MYT1L: variants seen among roughly 807,000 people sequenced by gnomAD.
The protein encoded by MYT1L is myelin transcription factor 1 like.
MYT1L carries 12 observed loss-of-function variants against 126.7 expected under a neutral mutation model. The ratio of observed to expected loss-of-function variants is 0.09; its 90% confidence interval spans 0.06 to 0.15. The LOEUF (loss-of-function observed/expected upper bound fraction) is 0.15. Ranked by LOEUF, MYT1L falls within the 10% of genes least tolerant of loss-of-function variation. MYT1L has a pLI of 1.00. For missense variants in MYT1L, 979 were observed against 1,585.2 expected (o/e 0.62, Z 6.49); for synonymous variants, 541 against 604.2 (o/e 0.90, Z 1.53).
In MYT1L at chr2:1,912,911, G is replaced by C. The variant is rs2052262779; in HGVS notation, c.1619-801C>G. ...CCTTCATGAACGCTCTACTACTCTG[G>C]GTTCTGGGGGAAGGTTAGCAGGGAC... On this transcript the variant is annotated intron_variant, in intron 11 of 24. Coordinates refer to ENST00000647738, the MANE Select transcript of MYT1L (RefSeq NM_001303052.2). This position sits in a 1 kb window ranked among gnomAD's most constrained non-coding sequence, Gnocchi z 4.3. Among the ~76,000 whole-genome samples, 2 of 152,046 alleles carry C rather than the reference G, an allele frequency of 1.3e-5. No individual in the cohort carries two copies. Among genetic ancestry groups the C allele is most frequent in the Admixed American group, 6.6e-5 (1 of 15,258 alleles).
intron 4 of MYT1L, among the ~76,000 whole-genome samples, chr2:2,015,708 G>C (rs1185654039): frequency 1.3e-5 from 2 of 152,212 alleles, no homozygotes; most frequent in African/African-American, 4.8e-5. Flanking sequence ...AAGGGAAGGA[G>C]GGGGCGGGAG....
chr2:2,107,045 A>AT (rs1420944843), intron 3 of MYT1L, among the ~76,000 whole-genome samples: 2 of 152,232 alleles, frequency 1.3e-5, no homozygotes. Flanking sequence ...AGATCAACAC[A>AT]TCTGTCTCCC....
At chr2:2,090,695 G>A (rs2076828975) in intron 3 of MYT1L, among the ~76,000 whole-genome samples, 3 of 152,194 alleles carry the variant, frequency 2.0e-5, no homozygotes, top group South Asian at 4.1e-4. Flanking sequence ...TGAGGCACAT[G>A]ATGCTGTTTG....
chr2:1,891,814 A>G (rs1186453216), intron 15 of MYT1L, among the ~76,000 whole-genome samples: 1 of 152,170 alleles, frequency 6.6e-6, no homozygotes, highest in African/African-American at 2.4e-5. Context: ...ACAAGATCTG[A>G]CCCTTGCCTC....
intron 2 of MYT1L, among the ~76,000 whole-genome samples, chr2:2,266,466 C>G (rs1295847337): frequency 6.7e-6 from 1 of 150,120 alleles, no homozygotes; most frequent in Non-Finnish European, 1.5e-5. Context: ...CACAAAGGCC[C>G]AAAGTAGTAA....
intron 21 of MYT1L, among the ~76,000 whole-genome samples, chr2:1,815,452 C>T (rs6718156): frequency 0.013 from 1,988 of 152,348 alleles, 45 homozygotes; most frequent in African/African-American, 0.044. Flanking sequence ...GGGTCATCCC[C>T]GTGTCCTTTC....
chr2:1,892,358 C>A, intron 14 of MYT1L, 71 bp from the exon 15 acceptor site: 1 of 1,498,008 alleles, frequency 6.7e-7, no homozygotes. Context: ...CACGGCAGGG[C>A]CTGCCCGCCC....
intron 8 of MYT1L, among the ~76,000 whole-genome samples, chr2:1,953,534 A>G (rs2058071617): frequency 6.6e-6 from 1 of 152,212 alleles, no homozygotes; most frequent in South Asian, 2.1e-4. Context: ...CTGTGTCGCT[A>G]GACATTTACC....
intron 14 of MYT1L, among the ~76,000 whole-genome samples, chr2:1,896,418 A>G (rs2049572592): frequency 6.6e-6 from 1 of 152,234 alleles, no homozygotes; most frequent in South Asian, 2.1e-4. Flanking sequence ...ACAATAGCAG[A>G]GGCACAGAAT....
intron 3 of MYT1L, among the ~76,000 whole-genome samples, chr2:2,056,900 G>A (rs1053975628): frequency 2.6e-5 from 4 of 152,010 alleles, no homozygotes; most frequent in East Asian, 1.9e-4. Flanking sequence ...TTTTCTTTAC[G>A]GCATTTGTCA....
At chr2:2,303,107 T>C (rs1254894895) in intron 1 of MYT1L, among the ~76,000 whole-genome samples, 1 of 152,224 alleles carries the variant, frequency 6.6e-6, no homozygotes, top group Admixed American at 6.5e-5. Context: ...ATCATAGTAA[T>C]AGTTTGCAGA....
intron 2 of MYT1L, among the ~76,000 whole-genome samples, chr2:2,216,589 C>G (rs1031781008): frequency 6.6e-6 from 1 of 152,150 alleles, no homozygotes; most frequent in African/African-American, 2.4e-5. Context: ...ATGACTTCAG[C>G]TTCCGCCTTA....
At chr2:2,023,361 A>G (rs1169414153) in intron 4 of MYT1L, among the ~76,000 whole-genome samples, 3 of 152,230 alleles carry the variant, frequency 2.0e-5, no homozygotes, top group Non-Finnish European at 4.4e-5. Flanking sequence ...CCTGTTTCCC[A>G]GGAGCTGCCT....
chr2:2,273,273 AAAAC>A (rs1411377501), intron 2 of MYT1L, among the ~76,000 whole-genome samples: 2 of 152,196 alleles, frequency 1.3e-5, no homozygotes, highest in African/African-American at 2.4e-5. Flanking sequence ...AGGGAGAAGA[AAAAC>A]AAAATGAGTA....
At chr2:1,976,272 C>A (rs775446529) in intron 8 of MYT1L, among the ~76,000 whole-genome samples, 28 of 152,164 alleles carry the variant, frequency 1.8e-4, no homozygotes, top group African/African-American at 6.5e-4. Context: ...AGAGGGTGTG[C>A]CGGCATGAAT....
chr2:1,950,883 G>C (rs769322580), intron 8 of MYT1L, among the ~76,000 whole-genome samples: 4 of 152,190 alleles, frequency 2.6e-5, no homozygotes, highest in African/African-American at 9.7e-5. Context: ...AGGAGAGCTA[G>C]ATGGTGGAAG....
At chr2:1,994,403 G>C (rs1208774545) in intron 5 of MYT1L, among the ~76,000 whole-genome samples, 7 of 150,878 alleles carry the variant, frequency 4.6e-5, no homozygotes, top group Non-Finnish European at 1.0e-4. Context: ...GAGTCCTCCT[G>C]GGGGGCTCAG....
intron 5 of MYT1L, among the ~76,000 whole-genome samples, chr2:1,987,820 T>C (rs1180170363): frequency 6.6e-6 from 1 of 152,194 alleles, no homozygotes; most frequent in African/African-American, 2.4e-5. Context: ...GACATTCCCA[T>C]GCTGGGCCTC....
chr2:2,199,989 C>A (rs2092989861), intron 2 of MYT1L, among the ~76,000 whole-genome samples: 1 of 152,172 alleles, frequency 6.6e-6, no homozygotes, highest in South Asian at 2.1e-4. Context: ...CGTGCAGTGC[C>A]ATTCCTTCCT....
Sources: gnomAD v4.1 joint callset for allele counts (sites outside exome capture counted in the v4.1 genomes callset) on GRCh38, gnomAD v4.1.1 for gene constraint, Gnocchi (gnomAD v3.1) non-coding constraint, MANE v1.5 for transcripts, NCBI Gene and HGNC (gene_info 2026-07-23, HGNC 2026-07-21) for gene names.